KAT14: variants seen among roughly 807,000 people sequenced by gnomAD.
KAT14 encodes lysine acetyltransferase 14.
A neutral mutation model predicts 78.4 loss-of-function variants in KAT14; 66 were observed. That is an observed-to-expected ratio of 0.84 (90% CI 0.69 to 1.03). KAT14 has a LOEUF of 1.03. Among genes scored for constraint, KAT14 ranks in the 50% least tolerant of loss-of-function variants. The probability of loss-of-function intolerance (pLI) is 0.00; values close to 1 mark genes in which losing one functional copy is unlikely to be tolerated. For synonymous variants in KAT14, 344 were observed against 359.4 expected (o/e 0.96, Z 0.48); for missense variants, 870 against 972.5 (o/e 0.89, Z 1.40).
chr20:18,139,413 G>T (rs1038608586), intron 1 of KAT14, among the ~76,000 whole-genome samples: 1 of 152,192 alleles, frequency 6.6e-6, no homozygotes, highest in Admixed American at 6.5e-5. Flanking sequence ...CTTGGCTTTG[G>T]ACCCTAACTG....
At chr20:18,139,803 A>C (rs1273145039) in intron 1 of KAT14, among the ~76,000 whole-genome samples, 1 of 152,216 alleles carries the variant, frequency 6.6e-6, no homozygotes, top group Non-Finnish European at 1.5e-5. Context: ...CAAGAAATTA[A>C]ATAATGAATA....
Position 18,164,106 on chromosome 20 carries a change from C to A in KAT14, c.1668+1161C>A, listed in dbSNP as rs563200513. 3.9e-4 allele frequency among the ~76,000 whole-genome samples: 60 copies of A among 152,262 alleles called. No individual in the cohort carries two copies. The South Asian group carries it at 0.012, about 30-fold the overall frequency. ...CAGTGGACTGGATTTAGCCTGGGGG[C>A]TATAGTTTACCAAGATCCCTACTCC... On this transcript the variant is annotated intron_variant, in intron 7 of 10. Transcript: ENST00000688188.
chr20:18,181,894 A>G (rs199845336), intron 8 of KAT14, 48 bp downstream of exon 8: 21 of 1,604,776 alleles, frequency 1.3e-5, no homozygotes, highest in Middle Eastern at 1.8e-4. Flanking sequence ...ATGAGGGATA[A>G]TGATTGTGGT....
chr20:18,148,600 T>C (rs1184522811), intron 3 of KAT14, among the ~76,000 whole-genome samples: 1 of 151,178 alleles, frequency 6.6e-6, no homozygotes, highest in Non-Finnish European at 1.5e-5. Flanking sequence ...TAAACTGGGG[T>C]TCATTTTTTT....
chr20:18,173,636 T>C (rs1237167980), intron 7 of KAT14, among the ~76,000 whole-genome samples: 2 of 152,170 alleles, frequency 1.3e-5, no homozygotes, highest in Non-Finnish European at 2.9e-5. Context: ...TTTTTTTTTT[T>C]TTTGTCTTTT....
chr20:18,167,058 G>A (rs2038666684), intron 7 of KAT14, among the ~76,000 whole-genome samples: 1 of 152,190 alleles, frequency 6.6e-6, no homozygotes, highest in African/African-American at 2.4e-5. Flanking sequence ...TGGATCCCCT[G>A]TTAGTTCTCT....
rs2039400758 is a variant in KAT14 at position 18,184,797 on chromosome 20, G to A, written c.2172+5G>A. 1.3e-6 allele frequency: 2 copies of A among 1,596,278 alleles called. No homozygotes were observed. The highest frequency in any genetic ancestry group is 1.7e-6 in the Non-Finnish European group (2 of 1,173,214). On this transcript the variant is annotated splice_donor_5th_base_variant and intron_variant, in intron 10 of 10. Transcript: ENST00000688188. ...ATGATCTATCATCTGATTCAGGTAA[G>A]TTGTCTATGTTTATGATTTATCACC... is the stretch of plus-strand genomic sequence containing the variant.
At chr20:18,146,200 T>C (rs1365548024) in intron 3 of KAT14, among the ~76,000 whole-genome samples, 5 of 152,230 alleles carry the variant, frequency 3.3e-5, no homozygotes, top group Non-Finnish European at 5.9e-5. Context: ...AATATGTTAA[T>C]GTATAATATG....
rs536560632 is a variant in KAT14 at position 18,172,758 on chromosome 20, G to C, written c.1669-8952G>C. On this transcript the variant is annotated intron_variant, in intron 7 of 10. Transcript: ENST00000688188. ...AGTCTGGTTCTGATGTTTGTTCTGTGTCTTCAAGCTGTGTTTTTTTGCCTT... is the reference window on the plus strand; with the variant it reads ...AGTCTGGTTCTGATGTTTGTTCTGTCTCTTCAAGCTGTGTTTTTTTGCCTT... Among the ~76,000 whole-genome samples the C allele has an allele frequency of 4.7e-4, 71 of 152,236 alleles. 3 individuals carry two copies. The highest frequency in any genetic ancestry group is 4.6e-4 in the Non-Finnish European group (31 of 68,012).
At chr20:18,173,407 G>A (rs1231291660) in intron 7 of KAT14, among the ~76,000 whole-genome samples, 1 of 152,058 alleles carries the variant, frequency 6.6e-6, no homozygotes, top group Non-Finnish European at 1.5e-5. Context: ...TGTCTTTTAC[G>A]GATCTACAAG....
At position 18,145,445 on chromosome 20, in the gene KAT14, T is replaced by G. The variant is rs1474056046; in HGVS notation, c.378+94T>G. On this transcript the variant is annotated intron_variant, in intron 3 of 10. Coordinates refer to ENST00000688188, the MANE Select transcript of KAT14 (RefSeq NM_001392073.1). Reference sequence around the variant, plus strand: ...AGAAACTTAGGGATGAGCTTTTGAGTTGTTTGGAGGGGCACTTTTTATTTC... The same window carrying G: ...AGAAACTTAGGGATGAGCTTTTGAGGTGTTTGGAGGGGCACTTTTTATTTC... The G allele has an allele frequency of 5.2e-6, 8 of 1,545,984 alleles. No homozygotes were observed. In the Admixed American group the frequency reaches 1.6e-4, roughly 31 times the overall value.
In KAT14 at chr20:18,162,537, C is replaced by G; in HGVS notation, c.1260C>G (p.Pro420=). The G allele has an allele frequency of 6.2e-7, 1 of 1,614,036 alleles. No individual in the cohort carries two copies. Among genetic ancestry groups the G allele is most frequent in the Non-Finnish European group, 8.5e-7 (1 of 1,180,010 alleles). The change falls in exon 7 of 11, where the codon CCC becomes CCG. Residue 420 remains proline, a synonymous_variant. Coordinates refer to ENST00000688188, the MANE Select transcript of KAT14 (RefSeq NM_001392073.1). The stretch of plus-strand genomic sequence containing the variant: ...AGGTAGAGAGTGAGGAGGAAAAACC[C>G]GACAGGATGGATATTGACAGTGAAG... ...KQEVESEEEK[P]DRMDIDSEDT...
At chr20:18,154,594 G>A (rs2038157381) in intron 4 of KAT14, among the ~76,000 whole-genome samples, 1 of 149,986 alleles carries the variant, frequency 6.7e-6, no homozygotes, top group Non-Finnish European at 1.5e-5. Flanking sequence ...TGTCCAGGCA[G>A]GAAGGCAAAT....
chr20:18,164,434 A>G (rs934707902), intron 7 of KAT14, among the ~76,000 whole-genome samples: 6 of 152,126 alleles, frequency 3.9e-5, no homozygotes, highest in Non-Finnish European at 8.8e-5. Flanking sequence ...CTCACAATCC[A>G]TAGTCATACC....
At chr20:18,159,375 A>G (rs1600225679) in intron 5 of KAT14, 110 bp downstream of exon 5, 2 of 1,281,486 alleles carry the variant, frequency 1.6e-6, no homozygotes, top group Non-Finnish European at 2.1e-6. Context: ...GCCTCTCTGG[A>G]GCTACTCTGT....
chr20:18,156,034 T>TA (rs1454177935), intron 4 of KAT14, among the ~76,000 whole-genome samples: 1 of 152,182 alleles, frequency 6.6e-6, no homozygotes, highest in Non-Finnish European at 1.5e-5. Flanking sequence ...GGCATATACA[T>TA]ACAGTGGATA....
chr20:18,145,869 A>G (rs900267941), intron 3 of KAT14, among the ~76,000 whole-genome samples: 8 of 152,194 alleles, frequency 5.3e-5, no homozygotes, highest in African/African-American at 1.9e-4. Context: ...TGTGATACCA[A>G]GCTCTGATTA....
intron 7 of KAT14, among the ~76,000 whole-genome samples, chr20:18,178,359 C>G (rs2039122710): frequency 6.6e-6 from 1 of 151,968 alleles, no homozygotes; most frequent in Admixed American, 6.6e-5. Context: ...TACATCACTC[C>G]CATTTTTGTC....
rs12481064 is a variant in KAT14 at position 18,149,637 on chromosome 20, C to G, written c.379-1184C>G. 3.3e-3 allele frequency among the ~76,000 whole-genome samples: 505 copies of G among 152,230 alleles called. 11 individuals carry two copies. The highest frequency in any genetic ancestry group is 0.032 in the Admixed American group (482 of 15,288). On this transcript the variant is annotated intron_variant, in intron 3 of 10. Transcript: ENST00000688188. ...ATACAGATGTTGGGGGCATTAACTGCAATTTACTACACTCCTTACAGCTAC... is the reference window on the plus strand; with the variant it reads ...ATACAGATGTTGGGGGCATTAACTGGAATTTACTACACTCCTTACAGCTAC...
Sources: gnomAD v4.1 joint callset for allele counts (sites outside exome capture counted in the v4.1 genomes callset) on GRCh38, gnomAD v4.1.1 for gene constraint, MANE v1.5 for transcripts, NCBI Gene and HGNC (gene_info 2026-07-23, HGNC 2026-07-21) for gene names.